Variants in PIBF1 observed in about 807,000 individuals in gnomAD.
PIBF1 encodes progesterone-induced-blocking factor 1.
A neutral mutation model predicts 112.5 loss-of-function variants in PIBF1; 90 were observed. The ratio of observed to expected loss-of-function variants is 0.80; its 90% CI spans 0.67 to 0.95. PIBF1 has a LOEUF of 0.95. Ranked by LOEUF, PIBF1 falls within the 40% of genes least tolerant of loss-of-function variation. The probability of loss-of-function intolerance (pLI) is 0.00; values close to 1 mark genes in which losing one functional copy is unlikely to be tolerated. For missense variants in PIBF1, 915 were observed against 852.3 expected, an observed-to-expected ratio of 1.07 and a Z score of -0.92; for synonymous variants, 301 against 288.6, an observed-to-expected ratio of 1.04 and a Z score of -0.44.
chr13:72,893,737 T>C (rs1488306675), intron 10 of PIBF1, 47 bp from the exon 11 acceptor site: 1 of 1,244,192 alleles, frequency 8.0e-7, no homozygotes, highest in Non-Finnish European at 1.1e-6. Context: ...ACTTAAATCA[T>C]TGAGACTGCT....
intron 8 of PIBF1, among the ~76,000 whole-genome samples, chr13:72,831,727 A>T (rs1020725796): frequency 6.6e-6 from 1 of 151,892 alleles, no homozygotes; most frequent in African/African-American, 2.4e-5. Flanking sequence ...GGTGCTGTTG[A>T]TTTGGGTGGA....
At chr13:72,962,095 TA>T (rs2042621736) in intron 14 of PIBF1, among the ~76,000 whole-genome samples, 1 of 152,174 alleles carries the variant, frequency 6.6e-6, no homozygotes, top group Non-Finnish European at 1.5e-5. Flanking sequence ...TACTGACTTA[TA>T]ATTTATTACT....
At position 72,987,949 on chromosome 13, in the gene PIBF1, G is replaced by GC. The variant is rs1179794965; in HGVS notation, c.2050-10867dup. Among the ~76,000 whole-genome samples, 13 of 124,868 alleles carry GC rather than the reference G, an allele frequency of 1.0e-4. 1 individual carries two copies. The South Asian group carries it at 2.9e-3, about 27-fold the overall frequency. 81.9% of individuals were successfully genotyped at this position (124,868 alleles called of 152,430 possible). Reference sequence around the variant, plus strand: ...GTGATCTCGGCTCACTGCAACCTCCGCCCCCCGGGTTTATGTGATTCTCCT... The same window carrying GC: ...GTGATCTCGGCTCACTGCAACCTCCGCCCCCCCGGGTTTATGTGATTCTCCT... On this transcript the variant is annotated intron_variant, in intron 16 of 17. Coordinates refer to ENST00000326291, the MANE Select transcript of PIBF1 (RefSeq NM_006346.4).
intron 17 of PIBF1, among the ~76,000 whole-genome samples, chr13:73,005,437 G>A (rs1278845598): frequency 6.6e-6 from 1 of 151,586 alleles, no homozygotes; most frequent in Admixed American, 6.6e-5. Context: ...TCACGCCACT[G>A]CCCTCAACCC....
intron 6 of PIBF1, among the ~76,000 whole-genome samples, chr13:72,823,956 G>C (rs2036006255): frequency 6.6e-6 from 1 of 152,056 alleles, no homozygotes; most frequent in African/African-American, 2.4e-5. Context: ...CTTTGAGTAG[G>C]CAGAGAAAGT....
At position 72,872,978 on chromosome 13, in the gene PIBF1, A is replaced by C. The variant is rs558984511; in HGVS notation, c.1322+18823A>C. ...ATAAGTGGAGTAAGATATCATGTTC[A>C]TAGATTTGAACACTTAATTTTGCTG... On this transcript the variant is annotated intron_variant, in intron 10 of 17. Transcript: ENST00000326291. Among the ~76,000 whole-genome samples the C allele has an allele frequency of 6.7e-4, 102 of 152,332 alleles. 1 individual carries two copies. The highest frequency in any genetic ancestry group is 2.3e-3 in the African/African-American group (96 of 41,584).
chr13:72,877,116 C>A (rs1261166772), intron 10 of PIBF1, among the ~76,000 whole-genome samples: 1 of 152,110 alleles, frequency 6.6e-6, no homozygotes, highest in Non-Finnish European at 1.5e-5. Context: ...GAAATGCTTT[C>A]TCTACATCTA....
intron 14 of PIBF1, among the ~76,000 whole-genome samples, chr13:72,960,018 T>C (rs1453199774): frequency 6.6e-6 from 1 of 152,240 alleles, no homozygotes; most frequent in Non-Finnish European, 1.5e-5. Flanking sequence ...AAATTATGTT[T>C]ATTTCAAACA....
intron 9 of PIBF1, chr13:72,836,182 G>C (rs938066993): frequency 4.7e-6 from 2 of 422,472 alleles, no homozygotes; most frequent in African/African-American, 4.2e-5. Context: ...CCTAGTTAGT[G>C]ATTGGCAGAA....
intron 14 of PIBF1, among the ~76,000 whole-genome samples, chr13:72,963,422 C>T (rs1329483801): frequency 6.6e-6 from 1 of 151,972 alleles, no homozygotes; most frequent in Non-Finnish European, 1.5e-5. Context: ...GGTGAAACCC[C>T]GTATCTACTA....
Position 72,783,449 on chromosome 13 carries a change from A to G in PIBF1, c.-21A>G, listed in dbSNP as rs1207134528. On this transcript the variant is annotated 5_prime_UTR_variant, in exon 2 of 18. Coordinates refer to ENST00000326291, the MANE Select transcript of PIBF1 (RefSeq NM_006346.4). ...ATATTAAAATCAAATTAGAGAAGAA[A>G]ACTGATCCATAATAATAAAAATGTC... 1.3e-6 allele frequency: 2 copies of G among 1,505,370 alleles called. No individual in the cohort carries two copies. Among genetic ancestry groups the G allele is most frequent in the African/African-American group, 2.8e-5 (2 of 71,792 alleles). The allele number at this position is 1,505,370 out of a possible 1,614,324, so 93.3% of individuals were successfully genotyped here. A position where few individuals can be genotyped will look rare whatever the true frequency, so the allele number is the denominator to read the frequency against.
intron 16 of PIBF1, among the ~76,000 whole-genome samples, chr13:72,985,394 G>T (rs1305890960): frequency 6.4e-5 from 4 of 62,802 alleles, no homozygotes; most frequent in Non-Finnish European, 1.4e-4. Flanking sequence ...AAAAAAAAAA[G>T]CCAGGGCGGT....
chr13:73,003,418 A>G lies in PIBF1; in HGVS notation c.2223+4423A>G, dbSNP rs2043936578. Among the ~76,000 whole-genome samples, 6 of 151,848 alleles carry G rather than the reference A, an allele frequency of 4.0e-5. No individual in the cohort carries two copies. In the South Asian group the frequency reaches 1.2e-3, roughly 32 times the overall value. On this transcript the variant is annotated intron_variant, in intron 17 of 17. Transcript: ENST00000326291. ...CAGGCACATGCCACCATGCCCCGCT[A>G]ATTTTTTGTATTTTTTTGTAGAGAC...
intron 17 of PIBF1, among the ~76,000 whole-genome samples, chr13:73,000,405 A>T (rs1223845073): frequency 1.3e-5 from 2 of 152,182 alleles, no homozygotes; most frequent in East Asian, 3.9e-4. Flanking sequence ...TTTTGGCAAG[A>T]CTTCCTAAGC....
rs1349783390 is a variant in PIBF1, at chr13:72,782,303, C to A, written c.-94C>A. 1 of 157,902 alleles carries A rather than the reference C, an allele frequency of 6.3e-6. No individual in the cohort carries two copies. The highest frequency in any genetic ancestry group is 1.7e-4 in the East Asian group (1 of 5,944). The allele number at this position is 157,902 out of a possible 1,614,324, so 9.8% of individuals were successfully genotyped here. A position where few individuals can be genotyped will look rare whatever the true frequency, so the allele number is the denominator to read the frequency against. On this transcript the variant is annotated 5_prime_UTR_variant, in exon 1 of 18. It adds an upstream start codon to the 5' untranslated region. Transcript: ENST00000326291. ...CGCCTTTGGTCCCTCGGTGTCTGCACTGGCTGCTGGTCAAGGCTTCAGTGT... is the reference window on the plus strand; with the variant it reads ...CGCCTTTGGTCCCTCGGTGTCTGCAATGGCTGCTGGTCAAGGCTTCAGTGT...
At chr13:72,853,270 T>G (rs2038255684) in intron 9 of PIBF1, among the ~76,000 whole-genome samples, 1 of 152,218 alleles carries the variant, frequency 6.6e-6, no homozygotes, top group East Asian at 1.9e-4. Context: ...TCCTTCCTAC[T>G]GTCCTCACAA....
At chr13:72,836,696 A>G (rs2037376619) in intron 9 of PIBF1, among the ~76,000 whole-genome samples, 1 of 152,048 alleles carries the variant, frequency 6.6e-6, no homozygotes, top group East Asian at 1.9e-4. Context: ...CTTGGGTAAA[A>G]ATATTTGTGG....
chr13:73,004,503 A>AG (rs869222113), intron 17 of PIBF1, among the ~76,000 whole-genome samples: 4 of 89,608 alleles, frequency 4.5e-5, no homozygotes, highest in African/African-American at 1.3e-4. Flanking sequence ...AAAAAAAAAA[A>AG]AGAAAGAAAA....
At chr13:72,967,879 A>G (rs552161810) in intron 15 of PIBF1, among the ~76,000 whole-genome samples, 3 of 152,288 alleles carry the variant, frequency 2.0e-5, no homozygotes, top group Admixed American at 6.5e-5. Flanking sequence ...AGAACTTTCT[A>G]TAATGATAAA....
Sources: allele counts gnomAD v4.1 joint callset (sites outside exome capture counted in the v4.1 genomes callset), GRCh38; gene constraint gnomAD v4.1.1; transcripts MANE v1.5; gene names NCBI Gene and HGNC (gene_info 2026-07-23, HGNC 2026-07-21).